ARHGEF9: variants seen among roughly 807,000 people sequenced by gnomAD.
ARHGEF9 encodes the protein rho guanine nucleotide exchange factor 9.
ARHGEF9 carries 2 observed loss-of-function variants against 41.3 expected under a neutral mutation model. That is an observed-to-expected ratio of 0.05 (90% CI 0.02 to 0.15). The LOEUF (loss-of-function observed/expected upper bound fraction) is 0.15, where lower values mean the gene tolerates loss of function less well. Among genes scored for constraint, ARHGEF9 ranks in the 10% least tolerant of loss-of-function variants. ARHGEF9 has a pLI of 1.00. For synonymous variants in ARHGEF9, 160 were observed against 154.4 expected (o/e 1.04, Z -0.27); for missense variants, 225 against 424.7 (o/e 0.53, Z 4.13).
At chrX:63,644,769 T>G (rs1412335276) in intron 8 of ARHGEF9, among the ~76,000 whole-genome samples, 10 of 108,179 alleles carry the variant, frequency 9.2e-5, no homozygotes, top group African/African-American at 3.4e-4. Flanking sequence ...ATTATTTTTT[T>G]TTTTTTTGGA....
rs1480641316 is a variant in ARHGEF9, at chrX:63,667,261, T to C, written c.946-1244A>G. Among the ~76,000 whole-genome samples, 6 of 111,900 alleles carry C rather than the reference T, an allele frequency of 5.4e-5. No individual in the cohort carries two copies. The South Asian group carries it at 1.1e-3, about 21-fold the overall frequency. ...TTTTACAGTTAGAGGTACAAAAAGA[T>C]CAAGTGATAAGCCAAAGTTGCCCAA... On this transcript the variant is annotated intron_variant, in intron 6 of 9. Transcript: ENST00000671741.
At chrX:63,714,193 T>C (rs2053146914) in intron 2 of ARHGEF9, among the ~76,000 whole-genome samples, 1 of 111,153 alleles carries the variant, frequency 9.0e-6, no homozygotes, top group Admixed American at 9.5e-5. Flanking sequence ...TTCCAACACA[T>C]TCTGTTTATT....
At chrX:63,645,631 T>C (rs1289713862) in intron 8 of ARHGEF9, among the ~76,000 whole-genome samples, 1 of 112,154 alleles carries the variant, frequency 8.9e-6, no homozygotes, top group East Asian at 2.8e-4. Context: ...TCTATCATTG[T>C]TGGACATTTG....
chrX:63,735,041 G>A (rs1334867941), intron 1 of ARHGEF9, among the ~76,000 whole-genome samples: 2 of 110,981 alleles, frequency 1.8e-5, no homozygotes, highest in Non-Finnish European at 3.8e-5. Context: ...TCCCTGCCCT[G>A]GGAGCCATGC....
At position 63,637,026 on chromosome X, in the gene ARHGEF9, A is replaced by G. The variant is rs1327364857; in HGVS notation, c.*1002T>C. The G allele has an allele frequency of 1.0e-5, 3 of 295,793 alleles. No individual in the cohort carries two copies. Among genetic ancestry groups the G allele is most frequent in the Non-Finnish European group, 1.8e-5 (3 of 170,101 alleles). The allele number at this position is 295,793 out of a possible 1,213,427, so 24.4% of individuals were successfully genotyped here. On this transcript the variant is annotated 3_prime_UTR_variant, in exon 10 of 10. Transcript: ENST00000671741. ...CAGGTAAATCCCTCTCCTGGGAGGC[A>G]GAATCTCAACCTCTGCTTCCAGTTC...
At chrX:63,698,030 A>G (rs1371323353) in intron 3 of ARHGEF9, among the ~76,000 whole-genome samples, 1 of 109,048 alleles carries the variant, frequency 9.2e-6, no homozygotes, top group East Asian at 2.9e-4. Flanking sequence ...GATCATTTAG[A>G]TGAGCTCAGC....
At position 63,719,934 on chromosome X, in the gene ARHGEF9, C is replaced by T. The variant is rs1217439594; in HGVS notation, c.210+4598G>A. The stretch of plus-strand genomic sequence containing the variant: ...GATTGTGGACAGGACAAATAGCAAA[C>T]ACATGCAATAGCACAGGAAGGAGGA... On this transcript the variant is annotated intron_variant, in intron 2 of 9. Transcript: ENST00000671741. The T allele has an allele frequency of 1.8e-5, 5 of 283,006 alleles. No individual in the cohort carries two copies. The Admixed American group carries it at 2.5e-4, about 14-fold the overall frequency. 23.3% of individuals were successfully genotyped at this position (283,006 alleles called of 1,213,427 possible).
intron 4 of ARHGEF9, among the ~76,000 whole-genome samples, chrX:63,679,965 G>T (rs1182456305): frequency 8.9e-6 from 1 of 112,018 alleles, no homozygotes; most frequent in African/African-American, 3.2e-5. Flanking sequence ...AAAAATACTG[G>T]AACCAATTAG....
At chrX:63,780,693 A>G (rs1455715620) in intron 1 of ARHGEF9, among the ~76,000 whole-genome samples, 2 of 112,139 alleles carry the variant, frequency 1.8e-5, no homozygotes, top group Admixed American at 1.9e-4. Flanking sequence ...ACTTTTAATA[A>G]TATATATGAA....
chrX:63,718,689 G>A (rs782018507), intron 2 of ARHGEF9, among the ~76,000 whole-genome samples: 1 of 112,121 alleles, frequency 8.9e-6, no homozygotes, highest in East Asian at 2.8e-4. Flanking sequence ...ATTGAAAAAA[G>A]CAACATGTTT....
At chrX:63,735,009 C>T (rs1556421960) in intron 1 of ARHGEF9, among the ~76,000 whole-genome samples, 1 of 111,155 alleles carries the variant, frequency 9.0e-6, no homozygotes, top group East Asian at 2.8e-4. Flanking sequence ...GTTGAGCCAG[C>T]GTGGGTCTTA....
At chrX:63,706,511 A>C (rs1265438890) in intron 2 of ARHGEF9, 62 bp from the exon 3 acceptor site, 3 of 1,102,301 alleles carry the variant, frequency 2.7e-6, no homozygotes, top group Non-Finnish European at 3.6e-6. Flanking sequence ...GTTTCCAGGC[A>C]AGTAGAAAAA....
At chrX:63,639,834 C>T (rs2047510619) in intron 9 of ARHGEF9, 1 of 111,542 alleles carries the variant, frequency 9.0e-6, no homozygotes, top group African/African-American at 3.3e-5. Context: ...AACTGGAGCT[C>T]ATAATGTTAA....
intron 1 of ARHGEF9, chrX:63,755,305 G>T: frequency 1.2e-6 from 1 of 848,144 alleles, no homozygotes; most frequent in Non-Finnish European, 1.5e-6. Context: ...GAGCCTCAAG[G>T]CTCCCAAGCA....
intron 1 of ARHGEF9, among the ~76,000 whole-genome samples, chrX:63,775,852 A>C (rs2056285035): frequency 8.9e-6 from 1 of 111,986 alleles, no homozygotes; most frequent in Non-Finnish European, 1.9e-5. Flanking sequence ...AAAATAAAAA[A>C]TAAAATCAAA....
chrX:63,689,217 T>C (rs2051169940), intron 4 of ARHGEF9, among the ~76,000 whole-genome samples: 1 of 111,311 alleles, frequency 9.0e-6, no homozygotes, highest in Non-Finnish European at 1.9e-5. Flanking sequence ...AGCATCCAAC[T>C]ATATGCTGCC....
chrX:63,671,722 T>C (rs1219374003), intron 6 of ARHGEF9, among the ~76,000 whole-genome samples: 4 of 112,510 alleles, frequency 3.6e-5, no homozygotes, highest in African/African-American at 1.3e-4. Context: ...TACATGTGCA[T>C]ATGTGCATGT....
At chrX:63,763,969 G>A (rs782210975) in intron 1 of ARHGEF9, among the ~76,000 whole-genome samples, 4 of 111,754 alleles carry the variant, frequency 3.6e-5, no homozygotes, top group Non-Finnish European at 7.5e-5. Flanking sequence ...ATGAGATCAT[G>A]GATTTGAAAG....
At chrX:63,742,662 C>T (rs190653312) in intron 1 of ARHGEF9, among the ~76,000 whole-genome samples, 2 of 111,810 alleles carry the variant, frequency 1.8e-5, no homozygotes, top group East Asian at 5.6e-4. Context: ...GGTAAAGAGC[C>T]TGCTTTTAGG....
Sources: allele counts gnomAD v4.1 joint callset (sites outside exome capture counted in the v4.1 genomes callset), GRCh38; gene constraint gnomAD v4.1.1; transcripts MANE v1.5; gene names NCBI Gene and HGNC (gene_info 2026-07-23, HGNC 2026-07-21).